PRORP: variants seen among roughly 807,000 people sequenced by gnomAD.
PRORP encodes the protein protein only RNase P catalytic subunit.
In PRORP, 51 loss-of-function variants were observed where a neutral mutation model predicts 59.4. The observed-to-expected ratio is 0.86, with a 90% CI of 0.69 to 1.08. The LOEUF (loss-of-function observed/expected upper bound fraction) is 1.08. Ranked by LOEUF, PRORP falls within the 50% of genes least tolerant of loss-of-function variation. The probability of loss-of-function intolerance (pLI) is 0.00; values close to 1 mark genes in which losing one functional copy is unlikely to be tolerated. For missense variants in PRORP, 646 were observed against 690.3 expected, an observed-to-expected ratio of 0.94 and a Z score of 0.72; for synonymous variants, 231 against 245.6, an observed-to-expected ratio of 0.94 and a Z score of 0.55.
chr14:35,247,647 C>T (rs1284049237), intron 5 of PRORP, among the ~76,000 whole-genome samples: 1 of 152,034 alleles, frequency 6.6e-6, no homozygotes, highest in East Asian at 1.9e-4. Context: ...ATGGACTGGA[C>T]CTAGAACCCT....
chr14:35,152,346 A>G (rs1254070058), intron 4 of PRORP, among the ~76,000 whole-genome samples: 3 of 152,236 alleles, frequency 2.0e-5, no homozygotes, highest in Non-Finnish European at 2.9e-5. Flanking sequence ...ACACAGACAC[A>G]GCAACAATCT....
intron 5 of PRORP, among the ~76,000 whole-genome samples, chr14:35,201,330 C>T (rs1414982159): frequency 1.3e-5 from 2 of 152,028 alleles, no homozygotes; most frequent in South Asian, 2.1e-4. Context: ...AAAGAGCTGG[C>T]GGGAGGAGTT....
intron 4 of PRORP, among the ~76,000 whole-genome samples, chr14:35,142,672 T>G (rs1389445158): frequency 6.9e-6 from 1 of 144,198 alleles, no homozygotes; most frequent in African/African-American, 2.5e-5. Context: ...CAAAACCCGT[T>G]CTCTAATAAA....
At chr14:35,189,233 G>A (rs1455200813) in intron 5 of PRORP, among the ~76,000 whole-genome samples, 1 of 151,984 alleles carries the variant, frequency 6.6e-6, no homozygotes, top group African/African-American at 2.4e-5. Flanking sequence ...TTTGCTTAAA[G>A]TATTTTTGTT....
chr14:35,259,872 C>T (rs973062365), intron 5 of PRORP, among the ~76,000 whole-genome samples: 22 of 151,928 alleles, frequency 1.4e-4, no homozygotes, highest in Admixed American at 4.6e-4. Flanking sequence ...TCCAGCCTGG[C>T]GGACAGCGAG....
chr14:35,266,974 G>T, intron 6 of PRORP, 99 bp downstream of exon 6: 4 of 1,080,900 alleles, frequency 3.7e-6, no homozygotes, highest in Non-Finnish European at 3.9e-6. Context: ...GCATGTGTAT[G>T]TGTATACTCA....
At chr14:35,141,426 A>G (rs1386700428) in intron 4 of PRORP, among the ~76,000 whole-genome samples, 1 of 142,956 alleles carries the variant, frequency 7.0e-6, no homozygotes, top group Non-Finnish European at 1.5e-5. Context: ...CATCTGGCTA[A>G]TTTTTTTATT....
At chr14:35,255,682 A>G (rs944772863) in intron 5 of PRORP, among the ~76,000 whole-genome samples, 3 of 152,208 alleles carry the variant, frequency 2.0e-5, no homozygotes, top group Non-Finnish European at 4.4e-5. Flanking sequence ...CACAGCCTCT[A>G]GATTCAACTA....
chr14:35,220,691 G>C (rs1354425687), intron 5 of PRORP, among the ~76,000 whole-genome samples: 3 of 151,674 alleles, frequency 2.0e-5, no homozygotes, highest in East Asian at 1.9e-4. Context: ...ATTTTCCTGA[G>C]TCTGTTCTTT....
chr14:35,254,781 A>C (rs1254115103), intron 5 of PRORP, among the ~76,000 whole-genome samples: 1 of 152,084 alleles, frequency 6.6e-6, no homozygotes, highest in African/African-American at 2.4e-5. Context: ...CTGGGATCTA[A>C]CCCTTGCATT....
chr14:35,266,732 G>T lies in PRORP; in HGVS notation c.1281G>T (p.Leu427Phe), dbSNP rs2051051783. 1.2e-6 allele frequency: 2 copies of T among 1,613,320 alleles called. No homozygotes were observed. Among genetic ancestry groups the T allele is most frequent in the African/African-American group, 1.3e-5 (1 of 74,860 alleles). ...TCTGGCTTTGTGTTTTTTAGCTCTTGAATGTCGTCTCTCAACTAGCCAAAC... is the reference window on the plus strand; with the variant it reads ...TCTGGCTTTGTGTTTTTTAGCTCTTTAATGTCGTCTCTCAACTAGCCAAAC... ...FPKVRESQLLLNVVSQLAKRN... is the reference protein window; with the variant it reads ...FPKVRESQLLFNVVSQLAKRN... Residue 427 changes from leucine (L) to phenylalanine (F), a missense_variant, in exon 6 of 8, where the codon TTG becomes TTT. Leu to Phe is a conservative substitution (Grantham distance 22). Coordinates refer to ENST00000534898, the MANE Select transcript of PRORP (RefSeq NM_014672.4).
chr14:35,213,641 A>G (rs182759018), intron 5 of PRORP, among the ~76,000 whole-genome samples: 9 of 152,252 alleles, frequency 5.9e-5, no homozygotes, highest in Middle Eastern at 3.4e-3. Context: ...AATTGGCCTA[A>G]TTTTGATATT....
intron 4 of PRORP, among the ~76,000 whole-genome samples, chr14:35,130,192 G>A (rs952507758): frequency 2.0e-5 from 3 of 151,828 alleles, no homozygotes; most frequent in African/African-American, 4.8e-5. Flanking sequence ...CACCATGCCC[G>A]GCTAATTTTT....
At chr14:35,229,488 G>A (rs1194068506) in intron 5 of PRORP, among the ~76,000 whole-genome samples, 1 of 152,072 alleles carries the variant, frequency 6.6e-6, no homozygotes, top group African/African-American at 2.4e-5. Context: ...AAAGGTAAAG[G>A]TCCAGTTTCA....
chr14:35,191,935 G>GT (rs2048893103), intron 5 of PRORP, among the ~76,000 whole-genome samples: 1 of 151,574 alleles, frequency 6.6e-6, no homozygotes, highest in Admixed American at 6.6e-5. Context: ...AGTTTTCTTG[G>GT]TTTTAACCCC....
rs759089620 is a variant in PRORP, at chr14:35,123,378, T to C, written c.133T>C (p.Leu45=). The C allele has an allele frequency of 1.9e-6, 3 of 1,613,976 alleles. No individual in the cohort carries two copies. The highest frequency in any genetic ancestry group is 2.7e-5 in the African/African-American group (2 of 74,904). ...CTGTGGCATCAGGAACCAGCAGAGG[T>C]TGTTTTCTCTTAAAACAATGTCTCC... ...DRCGIRNQQR[L]FSLKTMSPQN... Residue 45 remains leucine, a synonymous_variant, in exon 2 of 8, where the codon TTG becomes CTG. Coordinates refer to ENST00000534898, the MANE Select transcript of PRORP (RefSeq NM_014672.4).
chr14:35,198,818 G>A, intron 5 of PRORP, among the ~76,000 whole-genome samples: 1 of 152,186 alleles, frequency 6.6e-6, no homozygotes, highest in East Asian at 1.9e-4. Flanking sequence ...AGATCACGAG[G>A]TCAAGAGATT....
chr14:35,196,269 G>C (rs1321710584), intron 5 of PRORP, among the ~76,000 whole-genome samples: 7 of 152,200 alleles, frequency 4.6e-5, no homozygotes, highest in Non-Finnish European at 8.8e-5. Flanking sequence ...GAGCCCAGGA[G>C]TTAGAGACCG....
intron 5 of PRORP, among the ~76,000 whole-genome samples, chr14:35,182,347 A>T (rs990452319): frequency 4.0e-5 from 6 of 151,684 alleles, no homozygotes; most frequent in Non-Finnish European, 7.4e-5. Flanking sequence ...ATAAGCCTAT[A>T]AGAAAAAGAT....
Sources: allele counts gnomAD v4.1 joint callset (sites outside exome capture counted in the v4.1 genomes callset), GRCh38; gene constraint gnomAD v4.1.1; transcripts MANE v1.5; gene names NCBI Gene and HGNC (gene_info 2026-07-23, HGNC 2026-07-21).